The following ATRNL1 variants were observed in gnomAD, a reference collection of about 807,000 sequenced individuals.
ATRNL1 encodes attractin like 1.
Under a neutral mutation model 182.7 loss-of-function variants are expected in ATRNL1, and 95 were observed. The observed-to-expected ratio is 0.52, with a 90% confidence interval of 0.44 to 0.62. The LOEUF is 0.62. ATRNL1 is among the 20% of genes least tolerant of loss of function. The pLI is 0.00. For synonymous variants in ATRNL1, 576 were observed against 568.3 expected (o/e 1.01, Z -0.19); for missense variants, 1,471 against 1,679.5 (o/e 0.88, Z 2.17).
intron 27 of ATRNL1, among the ~76,000 whole-genome samples, chr10:115,798,830 CTT>C (rs66936998): frequency 8.2e-4 from 91 of 110,318 alleles, no homozygotes; most frequent in East Asian, 1.6e-3. Context: ...TTTCTTTTTT[CTT>C]TTTTTTTTTT....
intron 5 of ATRNL1, among the ~76,000 whole-genome samples, chr10:115,133,291 A>T (rs1845345589): frequency 6.6e-6 from 1 of 152,090 alleles, no homozygotes; most frequent in South Asian, 2.1e-4. Context: ...ATTGGTCTAT[A>T]TCTCTGTTTT....
At chr10:115,563,626 A>G (rs1347190309) in intron 26 of ATRNL1, among the ~76,000 whole-genome samples, 1 of 152,166 alleles carries the variant, frequency 6.6e-6, no homozygotes, top group African/African-American at 2.4e-5. Context: ...TTTTATTGTG[A>G]TTTGAACATA....
At chr10:115,450,297 G>A (rs531057897) in intron 21 of ATRNL1, among the ~76,000 whole-genome samples, 4 of 152,250 alleles carry the variant, frequency 2.6e-5, no homozygotes, top group Admixed American at 6.5e-5. Context: ...TCAGGCAAGA[G>A]AAAGAAATAA....
intron 21 of ATRNL1, among the ~76,000 whole-genome samples, chr10:115,456,699 C>T (rs76206084): frequency 0.019 from 2,847 of 152,186 alleles, 91 homozygotes; most frequent in African/African-American, 0.063. Context: ...TTCTCAACTT[C>T]GTTGCCCTGT....
At chr10:115,815,891 C>G (rs1411453795) in intron 27 of ATRNL1, among the ~76,000 whole-genome samples, 1 of 152,072 alleles carries the variant, frequency 6.6e-6, no homozygotes, top group Non-Finnish European at 1.5e-5. Flanking sequence ...ATTATAGCCT[C>G]AAATTGCCAG....
intron 21 of ATRNL1, among the ~76,000 whole-genome samples, chr10:115,445,796 C>T (rs1554966619): frequency 7.1e-4 from 1 of 1,406 alleles, no homozygotes; most frequent in Non-Finnish European, 1.3e-3. Flanking sequence ...CTAGTGGCTA[C>T]CATTTATCTT....
At chr10:115,198,435 G>T (rs1207725724) in intron 8 of ATRNL1, among the ~76,000 whole-genome samples, 7 of 152,018 alleles carry the variant, frequency 4.6e-5, no homozygotes, top group Non-Finnish European at 8.8e-5. Flanking sequence ...TATATCATTT[G>T]CAAGTGTATT....
intron 26 of ATRNL1, among the ~76,000 whole-genome samples, chr10:115,566,496 T>C (rs1472885827): frequency 6.6e-6 from 1 of 152,170 alleles, no homozygotes; most frequent in Non-Finnish European, 1.5e-5. Context: ...TTGCATAAAA[T>C]TGTTTTCTAT....
At chr10:115,253,499 C>G (rs1332374696) in intron 10 of ATRNL1, among the ~76,000 whole-genome samples, 2 of 152,020 alleles carry the variant, frequency 1.3e-5, no homozygotes, top group Non-Finnish European at 2.9e-5. Context: ...CAGCATATAT[C>G]CATGTCTACC....
At chr10:115,218,831 G>A (rs930830517) in intron 9 of ATRNL1, among the ~76,000 whole-genome samples, 63 of 152,304 alleles carry the variant, frequency 4.1e-4, no homozygotes, top group African/African-American at 1.4e-3. Context: ...TCACTGAAAT[G>A]TGCTGCCAGT....
chr10:115,220,066 A>G (rs544907012), intron 9 of ATRNL1, among the ~76,000 whole-genome samples: 1 of 152,308 alleles, frequency 6.6e-6, no homozygotes, highest in Admixed American at 6.5e-5. Context: ...CTCTCTAACA[A>G]TTGTGCCTCA....
rs1161140361 is a variant in ATRNL1 at position 115,751,690 on chromosome 10, G to A, written c.3903+24335G>A. Among the ~76,000 whole-genome samples, 3 of 152,150 alleles carry A rather than the reference G, an allele frequency of 2.0e-5. No homozygotes were observed. The East Asian group carries it at 5.8e-4, about 29-fold the overall frequency. ...GAAGTGTGGTATTACGTTGTACTAT[G>A]CAGTTGTAAAAAAATTAAAGTTTTC... On this transcript the variant is annotated intron_variant, in intron 27 of 28. Coordinates refer to ENST00000355044, the MANE Select transcript of ATRNL1 (RefSeq NM_207303.4).
At chr10:115,542,224 A>G (rs1175513034) in intron 25 of ATRNL1, among the ~76,000 whole-genome samples, 1 of 152,156 alleles carries the variant, frequency 6.6e-6, no homozygotes, top group Non-Finnish European at 1.5e-5. Context: ...AAAAAATTTA[A>G]GAGTGACTAA....
intron 20 of ATRNL1, among the ~76,000 whole-genome samples, chr10:115,416,843 G>C (rs1845412760): frequency 6.6e-6 from 1 of 152,322 alleles, no homozygotes; most frequent in Admixed American, 6.5e-5. Context: ...AAATGAGTTT[G>C]TATCCTTGAG....
intron 5 of ATRNL1, among the ~76,000 whole-genome samples, chr10:115,156,941 C>A (rs1846548313): frequency 6.6e-6 from 1 of 151,848 alleles, no homozygotes; most frequent in South Asian, 2.1e-4. Context: ...ATGATGGTTA[C>A]CAGAGGCTGG....
At chr10:115,440,936 A>G (rs1334144186) in intron 21 of ATRNL1, among the ~76,000 whole-genome samples, 5 of 151,962 alleles carry the variant, frequency 3.3e-5, no homozygotes, top group African/African-American at 1.2e-4. Context: ...TGCACCAGCT[A>G]ATAATTTTAC....
At chr10:115,303,221 GTT>G (rs5788103) in intron 17 of ATRNL1, among the ~76,000 whole-genome samples, 74 of 106,956 alleles carry the variant, frequency 6.9e-4, no homozygotes, top group Middle Eastern at 4.7e-3. Flanking sequence ...TGGTATGCAG[GTT>G]TTTTTTTTTT....
intron 27 of ATRNL1, among the ~76,000 whole-genome samples, chr10:115,772,173 G>T (rs556183233): frequency 6.6e-6 from 1 of 152,200 alleles, no homozygotes; most frequent in East Asian, 1.9e-4. Context: ...GAAAAAGAAG[G>T]TTAACAATTT....
At chr10:115,801,361 T>A (rs1298148733) in intron 27 of ATRNL1, among the ~76,000 whole-genome samples, 1 of 152,094 alleles carries the variant, frequency 6.6e-6, no homozygotes, top group African/African-American at 2.4e-5. Context: ...AGGAAACAAG[T>A]AAGGAGAGAA....
Sources: gnomAD v4.1 joint callset for allele counts (sites outside exome capture counted in the v4.1 genomes callset) on GRCh38, gnomAD v4.1.1 for gene constraint, MANE v1.5 for transcripts, NCBI Gene and HGNC (gene_info 2026-07-23, HGNC 2026-07-21) for gene names.